The following BCAS1 variants were observed in gnomAD, a reference collection of about 807,000 sequenced individuals.
The protein encoded by BCAS1 is breast carcinoma-amplified sequence 1.
BCAS1 carries 46 observed loss-of-function variants against 65.4 expected under a neutral mutation model. That is an observed-to-expected ratio of 0.70 (90% confidence interval 0.55 to 0.90). The LOEUF (loss-of-function observed/expected upper bound fraction) is 0.90. BCAS1 is among the 40% of genes least tolerant of loss of function. The pLI is 0.00. For synonymous variants in BCAS1, 298 were observed against 293.5 expected (o/e 1.02, Z -0.16); for missense variants, 793 against 771.2 (o/e 1.03, Z -0.33).
intron 3 of BCAS1, among the ~76,000 whole-genome samples, chr20:54,048,749 G>A (rs2092157094): frequency 6.6e-6 from 1 of 152,238 alleles, no homozygotes; most frequent in Non-Finnish European, 1.5e-5. Context: ...CCTTGAAGCT[G>A]AGTGCAGCAG....
chr20:53,990,265 G>A (rs740373), intron 7 of BCAS1, among the ~76,000 whole-genome samples: 12,142 of 152,212 alleles, frequency 0.08, 1,586 homozygotes, highest in African/African-American at 0.28. Flanking sequence ...GCATTCTAAA[G>A]GAATGCTCTG....
In BCAS1 at chr20:54,028,658, T is replaced by C. The variant is rs774321526; in HGVS notation, c.457A>G (p.Thr153Ala). The stretch of plus-strand genomic sequence containing the variant: ...TCTTGGGCCGGGGCGTGCCCTGGGG[T>C]TTTATCTGTGTCCTGCCCCGGTCCA... ...AAGPGQDTDK[T>A]PGHAPAQDKV... Residue 153 changes from threonine (T) to alanine (A), a missense_variant, in exon 4 of 13, where the codon ACC becomes GCC. Transcript: ENST00000688948. 4.3e-6 allele frequency: 7 copies of C among 1,613,648 alleles called. No homozygotes were observed. The highest frequency in any genetic ancestry group is 5.9e-6 in the Non-Finnish European group (7 of 1,179,898).
intron 3 of BCAS1, among the ~76,000 whole-genome samples, chr20:54,037,144 TG>T (rs1449683690): frequency 6.6e-6 from 1 of 151,278 alleles, no homozygotes; most frequent in Non-Finnish European, 1.5e-5. Flanking sequence ...TGCCCAAGAC[TG>T]GGTGATTTAT....
At position 53,985,498 on chromosome 20, in the gene BCAS1, C is replaced by G; in HGVS notation, c.1064G>C (p.Gly355Ala). 6.2e-7 allele frequency: 1 copy of G among 1,611,932 alleles called. No homozygotes were observed. The highest frequency in any genetic ancestry group is 1.3e-5 in the African/African-American group (1 of 74,768). ...LAFRKFFRHKGAEKSPTTSAD... is the reference protein window; with the variant it reads ...LAFRKFFRHKAAEKSPTTSAD... ...TGAAGTGGTGGGTGACTTTTCAGCA[C>G]CCTAAAGAGTTAAAAAAAATGGAGG... Residue 355 changes from glycine (G) to alanine (A), a missense_variant and splice_region_variant, in exon 8 of 13, where the codon GGT becomes GCT. Coordinates refer to ENST00000688948, the MANE Select transcript of BCAS1 (RefSeq NM_001366298.2).
chr20:54,027,803 C>CA (rs11483550), intron 4 of BCAS1, among the ~76,000 whole-genome samples: 31,988 of 147,214 alleles, frequency 0.22, 3,411 homozygotes, highest in East Asian at 0.3. Flanking sequence ...CCCCAAAAAA[C>CA]AAAAAAAAAA....
chr20:53,957,285 C>T (rs2089728132), intron 11 of BCAS1, 147 bp downstream of exon 11: 1 of 719,436 alleles, frequency 1.4e-6, no homozygotes, highest in South Asian at 1.7e-5. Context: ...CTGCAGACCC[C>T]AACATAGTTC....
intron 3 of BCAS1, among the ~76,000 whole-genome samples, chr20:54,035,051 A>G (rs2091872764): frequency 6.6e-6 from 1 of 151,410 alleles, no homozygotes; most frequent in Non-Finnish European, 1.5e-5. Flanking sequence ...TTCCTATTCA[A>G]TAAAAAGTGC....
chr20:54,058,267 A>G, intron 2 of BCAS1, 113 bp from the exon 3 acceptor site: 2 of 982,472 alleles, frequency 2.0e-6, no homozygotes, highest in Non-Finnish European at 1.6e-6. Context: ...ACTTAACTTA[A>G]AGGCTGTGTT....
chr20:53,977,692 T>C (rs1045924626), intron 8 of BCAS1, among the ~76,000 whole-genome samples: 2 of 152,318 alleles, frequency 1.3e-5, no homozygotes, highest in East Asian at 3.9e-4. Context: ...AAATCTTCAT[T>C]ATGGTTTCAG....
chr20:53,985,421 C>T lies in BCAS1; in HGVS notation c.1141G>A (p.Ala381Thr). ...TTGCATCCTTTGGAATTCTTGCCAG[C>T]CCCTTGGGTCTCCTGGGATGTAAAG... ...ANFTSQETQG[A>T]GKNSKGCNPS... Residue 381 changes from alanine to threonine, a missense_variant, in exon 8 of 13, where the codon GCT (alanine) becomes ACT (threonine). Physicochemically the swap from Ala to Thr is moderately conservative, Grantham distance 58. Coordinates refer to ENST00000688948, the MANE Select transcript of BCAS1 (RefSeq NM_001366298.2). 1 of 1,613,964 alleles carries T rather than the reference C, an allele frequency of 6.2e-7. No homozygotes were observed. Among genetic ancestry groups the T allele is most frequent in the South Asian group, 1.1e-5 (1 of 91,076 alleles).
intron 4 of BCAS1, among the ~76,000 whole-genome samples, chr20:54,025,010 C>T (rs529006708): frequency 6.6e-5 from 10 of 152,298 alleles, no homozygotes; most frequent in Admixed American, 2.0e-4. Context: ...ATTATACACT[C>T]CTTGACAGAC....
chr20:54,015,770 C>G (rs1039223162), intron 4 of BCAS1, among the ~76,000 whole-genome samples: 2 of 152,162 alleles, frequency 1.3e-5, no homozygotes, highest in Non-Finnish European at 2.9e-5. Context: ...TTGCTAGCAG[C>G]CTGTGGCAAT....
intron 9 of BCAS1, among the ~76,000 whole-genome samples, chr20:53,974,858 A>C (rs988763959): frequency 3.3e-5 from 5 of 152,224 alleles, no homozygotes; most frequent in African/African-American, 9.6e-5. Flanking sequence ...ATTAAAAGCC[A>C]GGAAAACTGT....
intron 8 of BCAS1, 38 bp downstream of exon 8, chr20:53,985,249 G>T (rs73140338): frequency 6.3e-7 from 1 of 1,592,988 alleles, no homozygotes; most frequent in Non-Finnish European, 8.6e-7. Context: ...AGTCATCCCC[G>T]CCCGGACGAC....
intron 6 of BCAS1, among the ~76,000 whole-genome samples, chr20:53,993,834 A>C (rs574582981): frequency 1.3e-5 from 2 of 152,340 alleles, no homozygotes; most frequent in African/African-American, 4.8e-5. Flanking sequence ...GGAAGAAGAA[A>C]ATTCTCGAGG....
At position 54,033,085 on chromosome 20, in the gene BCAS1, G is replaced by T. The variant is rs1177685307; in HGVS notation, c.143-4113C>A. 3.3e-5 allele frequency among the ~76,000 whole-genome samples: 5 copies of T among 151,252 alleles called. No homozygotes were observed. In the East Asian group the frequency reaches 9.6e-4, roughly 29 times the overall value. On this transcript the variant is annotated intron_variant, in intron 3 of 12. Transcript: ENST00000688948. ...ATAATAAAATTAAGGCAGAAATCAA[G>T]AAGTTTTTTGAACTAATGAGAACAA...
At chr20:53,957,980 A>T (rs2145556004) in intron 10 of BCAS1, among the ~76,000 whole-genome samples, 1 of 152,008 alleles carries the variant, frequency 6.6e-6, no homozygotes, top group South Asian at 2.1e-4. Flanking sequence ...CACCAGTGAC[A>T]GGGATAAAAG....
intron 12 of BCAS1, among the ~76,000 whole-genome samples, chr20:53,945,741 G>A (rs986421067): frequency 6.6e-6 from 1 of 152,162 alleles, no homozygotes; most frequent in African/African-American, 2.4e-5. Flanking sequence ...GACTGAATGT[G>A]GGTGAAGGAA....
At chr20:53,973,246 A>C (rs574373986) in intron 9 of BCAS1, among the ~76,000 whole-genome samples, 3 of 152,236 alleles carry the variant, frequency 2.0e-5, no homozygotes, top group Non-Finnish European at 4.4e-5. Flanking sequence ...ACAAACAAAC[A>C]CACAAACAGA....
Sources: allele counts gnomAD v4.1 joint callset (sites outside exome capture counted in the v4.1 genomes callset), GRCh38; gene constraint gnomAD v4.1.1; transcripts MANE v1.5; gene names NCBI Gene and HGNC (gene_info 2026-07-23, HGNC 2026-07-21).